Variants in ARHGEF26 observed in about 807,000 individuals in gnomAD.
ARHGEF26 encodes Rho guanine nucleotide exchange factor (GEF) 26.
ARHGEF26 carries 59 observed loss-of-function variants against 89.4 expected under a neutral mutation model. The observed-to-expected ratio is 0.66, with a 90% CI of 0.54 to 0.82. The LOEUF (loss-of-function observed/expected upper bound fraction) is 0.82. ARHGEF26 is among the 40% of genes least tolerant of loss of function. The pLI is 0.00. For missense variants in ARHGEF26, 1,234 were observed against 1,085.6 expected, an observed-to-expected ratio of 1.14 and a Z score of -1.92; for synonymous variants, 500 against 428.4, an observed-to-expected ratio of 1.17 and a Z score of -2.06.
chr3:154,132,084 T>A (rs1718712317), intron 4 of ARHGEF26, among the ~76,000 whole-genome samples: 1 of 152,226 alleles, frequency 6.6e-6, no homozygotes, highest in Admixed American at 6.5e-5. Context: ...TTAAATTTAA[T>A]GAAAGCAGCA....
At chr3:154,163,948 A>T (rs1711822835) in intron 6 of ARHGEF26, among the ~76,000 whole-genome samples, 1 of 152,136 alleles carries the variant, frequency 6.6e-6, no homozygotes, top group Non-Finnish European at 1.5e-5. Context: ...GATTAAAAAA[A>T]TACCCAAATA....
chr3:154,235,765 A>T (rs1289596003), intron 11 of ARHGEF26, among the ~76,000 whole-genome samples: 7 of 152,168 alleles, frequency 4.6e-5, no homozygotes, highest in African/African-American at 7.2e-5. Flanking sequence ...AACAAAAAAA[A>T]ATATATAAAA....
chr3:154,152,734 A>G, intron 5 of ARHGEF26, 38 bp from the exon 6 acceptor site: 1 of 1,385,286 alleles, frequency 7.2e-7, no homozygotes, highest in Non-Finnish European at 9.5e-7. Context: ...TCTTTAATTA[A>G]AAGAATTAAT....
At chr3:154,203,888 A>T (rs1176346881) in intron 9 of ARHGEF26, among the ~76,000 whole-genome samples, 2 of 150,488 alleles carry the variant, frequency 1.3e-5, no homozygotes, top group African/African-American at 4.9e-5. Flanking sequence ...TGTGTTGTTG[A>T]ATTCAATTTG....
At chr3:154,202,250 A>G (rs1186849373) in intron 9 of ARHGEF26, among the ~76,000 whole-genome samples, 1 of 152,196 alleles carries the variant, frequency 6.6e-6, no homozygotes, top group East Asian at 1.9e-4. Context: ...AGCACCATTT[A>G]TTAAATAGGG....
At chr3:154,172,751 A>G (rs1020456402) in intron 6 of ARHGEF26, among the ~76,000 whole-genome samples, 2 of 152,172 alleles carry the variant, frequency 1.3e-5, no homozygotes, top group Non-Finnish European at 2.9e-5. Flanking sequence ...GAACAGATAC[A>G]TTCATTCTAA....
intron 6 of ARHGEF26, among the ~76,000 whole-genome samples, chr3:154,170,770 C>T (rs1466462963): frequency 1.3e-5 from 2 of 152,192 alleles, no homozygotes; most frequent in Non-Finnish European, 2.9e-5. Flanking sequence ...AGAGTAATTG[C>T]ATCTCCTCAT....
chr3:154,174,326 A>ATG (rs1349059551), intron 6 of ARHGEF26, among the ~76,000 whole-genome samples: 1 of 152,228 alleles, frequency 6.6e-6, no homozygotes, highest in African/African-American at 2.4e-5. Flanking sequence ...GAGCTAATTT[A>ATG]GGTTTTTAAA....
intron 4 of ARHGEF26, among the ~76,000 whole-genome samples, chr3:154,145,073 T>A (rs899657757): frequency 6.6e-6 from 1 of 152,200 alleles, no homozygotes; most frequent in Non-Finnish European, 1.5e-5. Context: ...CTGTGGCAGC[T>A]CCTAGCTAGG....
At chr3:154,229,178 C>T (rs984159206) in intron 11 of ARHGEF26, among the ~76,000 whole-genome samples, 1 of 152,074 alleles carries the variant, frequency 6.6e-6, no homozygotes, top group African/African-American at 2.4e-5. Context: ...TTTTTTAGAA[C>T]ATTAAAAACA....
rs1359740483 is a variant in ARHGEF26 at position 154,122,738 on chromosome 3, A to G, written c.746A>G (p.Gln249Arg). 6.2e-7 allele frequency: 1 copy of G among 1,613,104 alleles called. No homozygotes were observed. Among genetic ancestry groups the G allele is most frequent in the African/African-American group, 1.3e-5 (1 of 75,022 alleles). ...GCCGCCCTCAAAGTGGGGAAGCAGCAGATCATTCCGAAGAGTCTGGCCTCG... is the reference window on the plus strand; with the variant it reads ...GCCGCCCTCAAAGTGGGGAAGCAGCGGATCATTCCGAAGAGTCTGGCCTCG... ...SPAALKVGKQ[Q>R]IIPKSLASEI... The change falls in exon 2 of 15, where the codon CAG (glutamine) becomes CGG (arginine). Residue 249 changes from glutamine (Q) to arginine (R), a missense_variant. Transcript: ENST00000465093.
intron 6 of ARHGEF26, among the ~76,000 whole-genome samples, chr3:154,186,419 G>T (rs1039635392): frequency 5.9e-5 from 9 of 151,962 alleles, no homozygotes; most frequent in African/African-American, 2.2e-4. Flanking sequence ...ACTTGTATGT[G>T]TATATCTATT....
intron 10 of ARHGEF26, among the ~76,000 whole-genome samples, chr3:154,220,634 C>T (rs1716069119): frequency 6.6e-6 from 1 of 152,042 alleles, no homozygotes; most frequent in Non-Finnish European, 1.5e-5. Flanking sequence ...AACACTCCTG[C>T]GGACAGCCCT....
intron 11 of ARHGEF26, among the ~76,000 whole-genome samples, chr3:154,227,678 C>T (rs1165737489): frequency 6.6e-6 from 1 of 152,022 alleles, no homozygotes; most frequent in Non-Finnish European, 1.5e-5. Flanking sequence ...TGGCTTTCTC[C>T]AGGATGTTTT....
chr3:154,213,945 C>T (rs1226875775), intron 9 of ARHGEF26, among the ~76,000 whole-genome samples: 2 of 152,152 alleles, frequency 1.3e-5, no homozygotes, highest in Admixed American at 6.5e-5. Context: ...ATAGTCTGTG[C>T]TCTCCAGTCT....
chr3:154,124,839 A>G (rs1049483007), intron 3 of ARHGEF26, among the ~76,000 whole-genome samples: 1 of 152,134 alleles, frequency 6.6e-6, no homozygotes, highest in African/African-American at 2.4e-5. Flanking sequence ...TATTCTGCCC[A>G]TATTTCCACA....
intron 4 of ARHGEF26, among the ~76,000 whole-genome samples, chr3:154,143,105 A>G (rs1343282242): frequency 2.0e-5 from 3 of 152,150 alleles, no homozygotes; most frequent in African/African-American, 7.2e-5. Flanking sequence ...TTGAAGTAGT[A>G]TTTTAGTTTT....
At chr3:154,253,267 T>G in intron 13 of ARHGEF26, 84 bp downstream of exon 13, 1 of 1,493,440 alleles carries the variant, frequency 6.7e-7, no homozygotes, top group Non-Finnish European at 9.3e-7. Context: ...ACGAGTTATA[T>G]TGCCACAATA....
intron 3 of ARHGEF26, among the ~76,000 whole-genome samples, 198 bp from the exon 4 acceptor site, chr3:154,129,376 C>T (rs958394665): frequency 6.6e-6 from 1 of 152,126 alleles, no homozygotes; most frequent in Non-Finnish European, 1.5e-5. Flanking sequence ...TGGTCCCCTT[C>T]CCCTGCAGTT....
Sources: allele counts gnomAD v4.1 joint callset (sites outside exome capture counted in the v4.1 genomes callset), GRCh38; gene constraint gnomAD v4.1.1; transcripts MANE v1.5; gene names NCBI Gene and HGNC (gene_info 2026-07-23, HGNC 2026-07-21).